The following MAPK10 variants were observed in gnomAD, a reference collection of about 807,000 sequenced individuals.
MAPK10 encodes the protein mitogen-activated protein kinase 10.
MAPK10 carries 25 observed loss-of-function variants against 59.3 expected under a neutral mutation model. The ratio of observed to expected loss-of-function variants is 0.42; its 90% CI spans 0.31 to 0.59. The LOEUF is 0.59. MAPK10 is among the 20% of genes least tolerant of loss of function. The probability of loss-of-function intolerance (pLI) is 0.15; values close to 1 mark genes in which losing one functional copy is unlikely to be tolerated. For missense variants in MAPK10, 351 were observed against 568.9 expected (o/e 0.62, Z 3.90); for synonymous variants, 190 against 200.5 (o/e 0.95, Z 0.44).
chr4:86,529,366 G>A (rs1757701001), intron 1 of MAPK10, among the ~76,000 whole-genome samples: 1 of 152,070 alleles, frequency 6.6e-6, no homozygotes, highest in South Asian at 2.1e-4. Context: ...GCAGGCATGT[G>A]AGGACTTTAC....
chr4:86,591,138 G>A (rs1763014538), intron 1 of MAPK10, among the ~76,000 whole-genome samples: 1 of 152,002 alleles, frequency 6.6e-6, no homozygotes, highest in African/African-American at 2.4e-5. Flanking sequence ...TACCCAGGCT[G>A]GTCTTGAATT....
intron 3 of MAPK10, among the ~76,000 whole-genome samples, chr4:86,191,122 A>G (rs1383115563): frequency 6.6e-6 from 1 of 152,164 alleles, no homozygotes; most frequent in African/African-American, 2.4e-5. Context: ...GTTTGTTATG[A>G]TTTCCATTCT....
chr4:86,335,516 G>A (rs182193682), intron 2 of MAPK10, among the ~76,000 whole-genome samples: 14 of 152,022 alleles, frequency 9.2e-5, no homozygotes, highest in Middle Eastern at 3.4e-3. Context: ...TCATCTTCTT[G>A]CTCTTCCTCT....
chr4:86,456,154 A>T (rs1164946648), upstream of MAPK10, among the ~76,000 whole-genome samples: 9 of 152,190 alleles, frequency 5.9e-5, no homozygotes, highest in Admixed American at 2.0e-4. Flanking sequence ...GATACAGCAA[A>T]GGCAACACTA....
At chr4:86,328,541 C>T (rs531298512) in intron 2 of MAPK10, among the ~76,000 whole-genome samples, 6 of 152,214 alleles carry the variant, frequency 3.9e-5, no homozygotes, top group African/African-American at 1.4e-4. Flanking sequence ...ACTATAAAGA[C>T]ACATGCACAT....
At chr4:86,098,331 T>G (rs1436560975) in intron 9 of MAPK10, 193 bp downstream of exon 9, 1 of 609,086 alleles carries the variant, frequency 1.6e-6, no homozygotes, top group African/African-American at 1.9e-5. Context: ...CCATTGAAAT[T>G]TAATTAAAAG....
At chr4:86,298,108 A>G (rs2095403486) in intron 2 of MAPK10, among the ~76,000 whole-genome samples, 1 of 152,060 alleles carries the variant, frequency 6.6e-6, no homozygotes, top group Non-Finnish European at 1.5e-5. Context: ...AGACTCTTGG[A>G]TGTCCATTAC....
chr4:86,461,720 C>T (rs1276770256), intron 1 of MAPK10, among the ~76,000 whole-genome samples: 1 of 152,162 alleles, frequency 6.6e-6, no homozygotes. Context: ...AGGTTCATCC[C>T]TACCCTTCTG....
rs2093471597 is a variant in MAPK10 at position 86,252,091 on chromosome 4, G to A, written c.-6-57684C>T. 1.7e-5 allele frequency among the ~76,000 whole-genome samples: 2 copies of A among 120,496 alleles called. 1 individual carries two copies. Among genetic ancestry groups the A allele is most frequent in the Admixed American group, 1.5e-4 (2 of 13,286 alleles). 79.1% of individuals were successfully genotyped at this position (120,496 alleles called of 152,430 possible). Reference sequence around the variant, plus strand: ...ATATTAGCCCTTTGTCAGATGAGTAGGTTGCGAAAATTTTCTCCCATGTTG... The same window carrying A: ...ATATTAGCCCTTTGTCAGATGAGTAAGTTGCGAAAATTTTCTCCCATGTTG... On this transcript the variant is annotated intron_variant, in intron 2 of 13. Coordinates refer to ENST00000641462, the MANE Select transcript of MAPK10 (RefSeq NM_138982.4).
At chr4:86,096,620 C>T (rs1384390954) in intron 9 of MAPK10, among the ~76,000 whole-genome samples, 1 of 151,892 alleles carries the variant, frequency 6.6e-6, no homozygotes, top group Non-Finnish European at 1.5e-5. Context: ...TGCAACTTCA[C>T]TCTGAGTATT....
intron 1 of MAPK10, among the ~76,000 whole-genome samples, chr4:86,472,096 CT>C (rs1418273936): frequency 6.6e-6 from 1 of 152,058 alleles, no homozygotes; most frequent in East Asian, 1.9e-4. Context: ...ATTATTTCAG[CT>C]GATTTAATCT....
intron 2 of MAPK10, among the ~76,000 whole-genome samples, chr4:86,292,172 T>C (rs1279969019): frequency 6.6e-6 from 1 of 152,190 alleles, no homozygotes; most frequent in Non-Finnish European, 1.5e-5. Flanking sequence ...AAAAATAGTA[T>C]CTGGTATTCT....
intron 2 of MAPK10, among the ~76,000 whole-genome samples, chr4:86,337,668 G>A (rs1048899080): frequency 6.6e-6 from 1 of 152,082 alleles, no homozygotes; most frequent in Non-Finnish European, 1.5e-5. Flanking sequence ...TGGAGTAGAG[G>A]ACACAATTAA....
intron 1 of MAPK10, among the ~76,000 whole-genome samples, chr4:86,551,348 G>C (rs553621648): frequency 4.6e-5 from 7 of 152,254 alleles, no homozygotes; most frequent in African/African-American, 1.7e-4. Flanking sequence ...TGAGATGAAA[G>C]AATTTTGGCT....
chr4:86,190,435 T>C (rs1444414716), intron 3 of MAPK10, among the ~76,000 whole-genome samples: 1 of 152,206 alleles, frequency 6.6e-6, no homozygotes, highest in Non-Finnish European at 1.5e-5. Context: ...TTGTTATTGG[T>C]CTATTCAGGG....
At chr4:86,572,402 T>C (rs1402883600) in intron 1 of MAPK10, among the ~76,000 whole-genome samples, 1 of 152,204 alleles carries the variant, frequency 6.6e-6, no homozygotes, top group African/African-American at 2.4e-5. Context: ...GTATTTATGT[T>C]TACTCAGACT....
intron 9 of MAPK10, chr4:86,082,196 C>G (rs565369222): frequency 2.8e-4 from 43 of 152,174 alleles, no homozygotes; most frequent in African/African-American, 9.1e-4. Flanking sequence ...GTGGCTAACT[C>G]TGTGTGGAAA....
chr4:86,373,039 T>A (rs1332969026), intron 1 of MAPK10, among the ~76,000 whole-genome samples: 1 of 152,192 alleles, frequency 6.6e-6, no homozygotes, highest in Non-Finnish European at 1.5e-5. Flanking sequence ...CAAAATGGCA[T>A]GGTAGTGGTA....
At chr4:86,178,930 T>C (rs1020412620) in intron 3 of MAPK10, among the ~76,000 whole-genome samples, 2 of 152,062 alleles carry the variant, frequency 1.3e-5, no homozygotes, top group Non-Finnish European at 2.9e-5. Flanking sequence ...TTGCTGGGTG[T>C]GGTGGCTCAT....
Sources: gnomAD v4.1 joint callset for allele counts (sites outside exome capture counted in the v4.1 genomes callset) on GRCh38, gnomAD v4.1.1 for gene constraint, MANE v1.5 for transcripts, NCBI Gene and HGNC (gene_info 2026-07-23, HGNC 2026-07-21) for gene names.